Variants in ZNF704 observed in about 807,000 individuals in gnomAD.
ZNF704 encodes the protein glucocorticoid induced gene 1.
Under a neutral mutation model 44.7 loss-of-function variants are expected in ZNF704, and 10 were observed. That is an observed-to-expected ratio of 0.22 (90% CI 0.14 to 0.38). ZNF704 has a LOEUF of 0.38. Ranked by LOEUF, ZNF704 falls within the 10% of genes least tolerant of loss-of-function variation. ZNF704 has a pLI of 1.00. For synonymous variants in ZNF704, 211 were observed against 207.6 expected (o/e 1.02, Z -0.14); for missense variants, 390 against 545.5 (o/e 0.71, Z 2.84).
intron 2 of ZNF704, among the ~76,000 whole-genome samples, chr8:80,722,245 C>CA (rs772009261): frequency 6.7e-4 from 97 of 144,638 alleles, no homozygotes; most frequent in Non-Finnish European, 1.3e-3. Flanking sequence ...GTCCCCACTC[C>CA]AAAAAAACAA....
chr8:80,706,580 T>C lies in ZNF704; in HGVS notation c.222-13473A>G, dbSNP rs551962566. Reference sequence around the variant, plus strand: ...CCCCAGGAGCAAGGGGGGATGTGTCTCCCCTCAGAGAGCAGCTGTGGAGCC... The same window carrying C: ...CCCCAGGAGCAAGGGGGGATGTGTCCCCCCTCAGAGAGCAGCTGTGGAGCC... On this transcript the variant is annotated intron_variant, in intron 2 of 8. Coordinates refer to ENST00000327835, the MANE Select transcript of ZNF704 (RefSeq NM_001033723.3). Among the ~76,000 whole-genome samples the C allele has an allele frequency of 4.6e-5, 7 of 152,346 alleles. No homozygotes were observed. The South Asian group carries it at 1.4e-3, about 32-fold the overall frequency.
intron 4 of ZNF704, among the ~76,000 whole-genome samples, chr8:80,676,465 G>A (rs1818367147): frequency 6.6e-6 from 1 of 152,114 alleles, no homozygotes; most frequent in Non-Finnish European, 1.5e-5. Flanking sequence ...ACAGTTCTCT[G>A]CTGGAAAAAG....
In ZNF704 at chr8:80,643,086, T is replaced by C. The variant is rs1351242966; in HGVS notation, c.1076A>G (p.Gln359Arg). The C allele has an allele frequency of 6.2e-7, 1 of 1,606,566 alleles. No individual in the cohort carries two copies. The highest frequency in any genetic ancestry group is 1.3e-5 in the African/African-American group (1 of 74,702). ...HHPVGTGEQR[Q>R]HAHTVLSSPP... ...GGAGGACAGGACCGTGTGCGCATGC[T>C]GTCTCTGCTCTCCTGTGCCCACCGG... The change falls in exon 8 of 9, where the codon CAG becomes CGG. Residue 359 changes from glutamine (Q) to arginine (R), a missense_variant. Physicochemically the swap from Gln to Arg is conservative, Grantham distance 43. Around this residue, in one of 3 missense-constraint regions of ZNF704, gnomAD observed 305 missense variants for 435.7 expected, o/e 0.70. Coordinates refer to ENST00000327835, the MANE Select transcript of ZNF704 (RefSeq NM_001033723.3).
chr8:80,863,227 AT>A (rs1809099435), intron 1 of ZNF704, among the ~76,000 whole-genome samples: 1 of 152,214 alleles, frequency 6.6e-6, no homozygotes, highest in Non-Finnish European at 1.5e-5. Flanking sequence ...CAATCAAAAC[AT>A]TTTCAAAAAC....
intron 2 of ZNF704, among the ~76,000 whole-genome samples, chr8:80,746,981 T>C (rs1249145078): frequency 6.6e-6 from 1 of 152,182 alleles, no homozygotes; most frequent in Non-Finnish European, 1.5e-5. Flanking sequence ...AGTATTAAAC[T>C]GGAAAATCAT....
chr8:80,806,963 T>C (rs1044379707), intron 2 of ZNF704, among the ~76,000 whole-genome samples: 1 of 152,232 alleles, frequency 6.6e-6, no homozygotes, highest in Admixed American at 6.5e-5. Context: ...ACTGCTGGAA[T>C]GACCAAAGCA....
intron 7 of ZNF704, among the ~76,000 whole-genome samples, chr8:80,647,367 G>A (rs1817849882): frequency 6.6e-6 from 1 of 152,188 alleles, no homozygotes; most frequent in African/African-American, 2.4e-5. Context: ...GAGGGTGGGA[G>A]GAGAGGAGAC....
At chr8:80,704,580 C>G (rs149219399) in intron 2 of ZNF704, among the ~76,000 whole-genome samples, 1 of 152,132 alleles carries the variant, frequency 6.6e-6, no homozygotes, top group East Asian at 1.9e-4. Flanking sequence ...GGGCACCGAC[C>G]CCGACCCCAA....
rs1808722281 is a variant in ZNF704 at position 80,843,939 on chromosome 8, ATG to A, written c.-21-22326_-21-22325del. On this transcript the variant is annotated intron_variant, in intron 1 of 8. Coordinates refer to ENST00000327835, the MANE Select transcript of ZNF704 (RefSeq NM_001033723.3). Reference sequence around the variant, plus strand: ...AGGGAGAACAGTGAAATATATATATATGTGTATGTATATATATGTGTATATAT... The same window carrying A: ...AGGGAGAACAGTGAAATATATATATATGTATGTATATATATGTGTATATAT... Among the ~76,000 whole-genome samples, 15 of 148,874 alleles carry A rather than the reference ATG, an allele frequency of 1.0e-4. No individual in the cohort carries two copies. In the South Asian group the frequency reaches 3.2e-3, roughly 31 times the overall value.
intron 2 of ZNF704, among the ~76,000 whole-genome samples, chr8:80,737,989 T>C (rs528689431): frequency 6.6e-6 from 1 of 152,302 alleles, no homozygotes; most frequent in Admixed American, 6.5e-5. Flanking sequence ...AGTTTCTCAG[T>C]TTTTCCATGT....
intron 1 of ZNF704, among the ~76,000 whole-genome samples, chr8:80,842,586 T>G (rs79635010): frequency 0.012 from 1,805 of 152,280 alleles, 34 homozygotes; most frequent in African/African-American, 0.041. Context: ...AAGGCCTCTG[T>G]GAGCCTTCAG....
intron 1 of ZNF704, among the ~76,000 whole-genome samples, chr8:80,846,046 C>T (rs1363314524): frequency 6.6e-6 from 1 of 152,026 alleles, no homozygotes; most frequent in Non-Finnish European, 1.5e-5. Flanking sequence ...GTATAACATT[C>T]AAGATTTTGA....
At chr8:80,762,949 ATTAAATC>A (rs1807156538) in intron 2 of ZNF704, among the ~76,000 whole-genome samples, 1 of 152,232 alleles carries the variant, frequency 6.6e-6, no homozygotes, top group South Asian at 2.1e-4. Flanking sequence ...TGGGGCAGTT[ATTAAATC>A]TTAAAGCTCC....
At chr8:80,675,692 G>A (rs940296017) in intron 4 of ZNF704, among the ~76,000 whole-genome samples, 31 of 152,166 alleles carry the variant, frequency 2.0e-4, no homozygotes, top group Admixed American at 1.1e-3. Flanking sequence ...GAGGGATGGT[G>A]TTAAAGATGA....
At chr8:80,869,911 G>A (rs1809221504) in intron 1 of ZNF704, among the ~76,000 whole-genome samples, 1 of 152,212 alleles carries the variant, frequency 6.6e-6, no homozygotes, top group Non-Finnish European at 1.5e-5. Context: ...AGTAGGGAAG[G>A]GGAGGGGGAG....
At chr8:80,844,067 G>A (rs987644802) in intron 1 of ZNF704, among the ~76,000 whole-genome samples, 4 of 151,594 alleles carry the variant, frequency 2.6e-5, no homozygotes, top group African/African-American at 9.7e-5. Context: ...GAAAGAAGGG[G>A]CACAAATAAA....
chr8:80,831,989 C>A (rs1808479574), intron 1 of ZNF704, among the ~76,000 whole-genome samples: 1 of 152,150 alleles, frequency 6.6e-6, no homozygotes, highest in South Asian at 2.1e-4. Flanking sequence ...TTCTCCCTAC[C>A]CAACACAGAA....
intron 2 of ZNF704, among the ~76,000 whole-genome samples, chr8:80,697,794 C>T (rs547776468): frequency 9.2e-5 from 14 of 152,292 alleles, no homozygotes; most frequent in African/African-American, 1.7e-4. Context: ...GTGTGTCCTC[C>T]GTGAGGGAGG....
At chr8:80,736,281 CT>C (rs1806663759) in intron 2 of ZNF704, among the ~76,000 whole-genome samples, 1 of 152,124 alleles carries the variant, frequency 6.6e-6, no homozygotes, top group Admixed American at 6.5e-5. Flanking sequence ...TTAAACGTTA[CT>C]TTTTTGTTAT....
Sources: gnomAD v4.1 joint callset for allele counts (sites outside exome capture counted in the v4.1 genomes callset) on GRCh38, gnomAD v4.1.1 for gene constraint, gnomAD v4.1.1 regional missense constraint, MANE v1.5 for transcripts, NCBI Gene and HGNC (gene_info 2026-07-23, HGNC 2026-07-21) for gene names.